Variants in BRAF observed in about 807,000 individuals in gnomAD.
BRAF encodes serine/threonine-protein kinase B-raf.
A neutral mutation model predicts 104.6 loss-of-function variants in BRAF; 16 were observed. That is an observed-to-expected ratio of 0.15 (90% CI 0.10 to 0.23). BRAF has a LOEUF of 0.23. BRAF is among the 10% of genes least tolerant of loss of function. The pLI is 1.00. For missense variants in BRAF, 541 were observed against 937.3 expected, an observed-to-expected ratio of 0.58 and a Z score of 5.52; for synonymous variants, 310 against 341.6, an observed-to-expected ratio of 0.91 and a Z score of 1.02.
At chr7:140,909,824 C>T (rs955842661) in intron 1 of BRAF, among the ~76,000 whole-genome samples, 1 of 151,244 alleles carries the variant, frequency 6.6e-6, no homozygotes, top group South Asian at 2.1e-4. Flanking sequence ...ACAACAACAA[C>T]AACAACAACA....
At chr7:140,752,081 C>CTAG (rs1797838942) in intron 16 of BRAF, among the ~76,000 whole-genome samples, 1 of 152,130 alleles carries the variant, frequency 6.6e-6, no homozygotes, top group African/African-American at 2.4e-5. Context: ...AGAAATTAAA[C>CTAG]TAGTAATTCA....
chr7:140,769,323 C>G (rs1799620849), intron 14 of BRAF, among the ~76,000 whole-genome samples: 1 of 152,128 alleles, frequency 6.6e-6, no homozygotes, highest in African/African-American at 2.4e-5. Flanking sequence ...AGTGATCCAC[C>G]TGCCTTGGCC....
At chr7:140,919,517 AG>A (rs1406735623) in intron 1 of BRAF, among the ~76,000 whole-genome samples, 3 of 151,708 alleles carry the variant, frequency 2.0e-5, no homozygotes, top group Non-Finnish European at 2.9e-5. Flanking sequence ...CTCAGAGGGT[AG>A]GGGGGAAAAA....
rs2129062267 is a variant in BRAF, at chr7:140,834,826, T to C, written c.287A>G (p.Glu96Gly). 6.2e-7 allele frequency: 1 copy of C among 1,614,178 alleles called. No individual in the cohort carries two copies. The highest frequency in any genetic ancestry group is 1.1e-5 in the South Asian group (1 of 91,084). ...TSKLDALQQR[E>G]QQLLESLGNG... ...CCCCAGAGATTCCAATAACTGTTGT[T>C]CTCTTTGTTGGAGTGCATCTAGCTT... Residue 96 changes from glutamate (E) to glycine (G), a missense_variant, in exon 3 of 20, where the codon GAA becomes GGA. By Grantham distance (98) the Glu-to-Gly change is moderately conservative. Around this residue, in one of 10 missense-constraint regions of BRAF, gnomAD observed 86 missense variants for 133.9 expected, o/e 0.64. Transcript: ENST00000644969.
intron 10 of BRAF, chr7:140,783,365 CTTTAAG>C: frequency 1.7e-6 from 1 of 575,478 alleles, no homozygotes; most frequent in South Asian, 2.3e-5. Flanking sequence ...ATTTAATGAC[CTTTAAG>C]ATATCTGATG....
intron 3 of BRAF, among the ~76,000 whole-genome samples, chr7:140,813,653 C>T (rs1804516270): frequency 6.6e-6 from 1 of 152,064 alleles, no homozygotes; most frequent in Non-Finnish European, 1.5e-5. Context: ...CACTATAGTA[C>T]ATCTATACAA....
At chr7:140,881,656 T>G (rs554208082) in intron 1 of BRAF, among the ~76,000 whole-genome samples, 21 of 152,346 alleles carry the variant, frequency 1.4e-4, no homozygotes, top group African/African-American at 4.6e-4. Flanking sequence ...CATAGCTTTT[T>G]GACATGCCTT....
chr7:140,845,970 C>T (rs1049354757), intron 2 of BRAF, among the ~76,000 whole-genome samples: 3 of 152,002 alleles, frequency 2.0e-5, no homozygotes, highest in African/African-American at 7.2e-5. Flanking sequence ...TGAGCCACCG[C>T]GCTCAGCCTA....
downstream of BRAF, among the ~76,000 whole-genome samples, chr7:140,715,731 T>A (rs10247069): frequency 0.041 from 6,157 of 151,848 alleles, 400 homozygotes; most frequent in African/African-American, 0.14. Flanking sequence ...GTGGGAGGAG[T>A]CCCAAAAGGA....
chr7:140,873,166 C>CTTTTT (rs1165344332), intron 1 of BRAF, among the ~76,000 whole-genome samples: 12 of 99,154 alleles, frequency 1.2e-4, no homozygotes, highest in Non-Finnish European at 2.0e-4. Context: ...CAGTCTGTGG[C>CTTTTT]TTTTTTTTTT....
intron 17 of BRAF, among the ~76,000 whole-genome samples, chr7:140,745,468 A>G (rs1261103474): frequency 6.6e-6 from 1 of 152,198 alleles, no homozygotes; most frequent in Admixed American, 6.5e-5. Flanking sequence ...AAGAAACAGA[A>G]AGAAGAAAAA....
At chr7:140,778,887 A>G (rs1800577807) in intron 12 of BRAF, among the ~76,000 whole-genome samples, 1 of 152,194 alleles carries the variant, frequency 6.6e-6, no homozygotes. Flanking sequence ...TCCTAGGTAT[A>G]TATACCCATC....
intron 1 of BRAF, among the ~76,000 whole-genome samples, chr7:140,910,459 T>C (rs1418332960): frequency 6.6e-6 from 1 of 152,200 alleles, no homozygotes; most frequent in Non-Finnish European, 1.5e-5. Context: ...GTGTTATTGT[T>C]TAGAAGACTT....
At chr7:140,917,663 C>T (rs1370891297) in intron 1 of BRAF, among the ~76,000 whole-genome samples, 2 of 152,182 alleles carry the variant, frequency 1.3e-5, no homozygotes, top group Non-Finnish European at 2.9e-5. Context: ...AGACCTCTAA[C>T]CTACATCTTA....
chr7:140,773,943 T>C (rs1476680337), intron 14 of BRAF, among the ~76,000 whole-genome samples: 1 of 152,232 alleles, frequency 6.6e-6, no homozygotes, highest in Non-Finnish European at 1.5e-5. Context: ...AATTCCTTTA[T>C]TACAGTTTTA....
At chr7:140,836,273 G>T (rs768300761) in intron 2 of BRAF, 4 of 152,036 alleles carry the variant, frequency 2.6e-5, no homozygotes, top group African/African-American at 4.8e-5. Flanking sequence ...AGGAAAGAAA[G>T]AAATTTAAAT....
chr7:140,901,028 A>G (rs927872890), intron 1 of BRAF, among the ~76,000 whole-genome samples: 1 of 152,200 alleles, frequency 6.6e-6, no homozygotes, highest in African/African-American at 2.4e-5. Flanking sequence ...CTCTTTGGAC[A>G]GCACTCAGCA....
At position 140,723,153 on chromosome 7, in the gene BRAF, G is replaced by A; in HGVS notation, c.*3341C>T. 9.5e-7 allele frequency: 1 copy of A among 1,052,712 alleles called. No homozygotes were observed. The highest frequency in any genetic ancestry group is 1.1e-6 in the Non-Finnish European group (1 of 871,528). 65.2% of individuals were successfully genotyped at this position (1,052,712 alleles called of 1,614,324 possible). ...AAGCTAGAGATGAGGTTTGCAAGCAGCTGGCGGGTGGATGTACAGTGGGGA... is the reference window on the plus strand; with the variant it reads ...AAGCTAGAGATGAGGTTTGCAAGCAACTGGCGGGTGGATGTACAGTGGGGA... On this transcript the variant is annotated 3_prime_UTR_variant, in exon 20 of 20. Coordinates refer to ENST00000644969, the MANE Select transcript of BRAF (RefSeq NM_001374258.1).
chr7:140,804,068 G>A (rs2129045885), intron 5 of BRAF, among the ~76,000 whole-genome samples: 1 of 152,052 alleles, frequency 6.6e-6, no homozygotes, highest in East Asian at 1.9e-4. Context: ...GTATTTTTTG[G>A]TGGAGATGGA....
Sources: gnomAD v4.1 joint callset for allele counts (sites outside exome capture counted in the v4.1 genomes callset) on GRCh38, gnomAD v4.1.1 for gene constraint, gnomAD v4.1.1 regional missense constraint, MANE v1.5 for transcripts, NCBI Gene and HGNC (gene_info 2026-07-23, HGNC 2026-07-21) for gene names.